The following BTG4 variants were observed in gnomAD, a reference collection of about 807,000 sequenced individuals.
The protein encoded by BTG4 is protein BTG4.
A neutral mutation model predicts 19.3 loss-of-function variants in BTG4; 10 were observed. The ratio of observed to expected loss-of-function variants is 0.52; its 90% CI spans 0.32 to 0.88. BTG4 has a LOEUF of 0.88. Among genes scored for constraint, BTG4 ranks in the 40% least tolerant of loss-of-function variants. BTG4 has a pLI of 0.04. For synonymous variants in BTG4, 91 were observed against 95.7 expected, an observed-to-expected ratio of 0.95 and a Z score of 0.29; for missense variants, 238 against 281.9, an observed-to-expected ratio of 0.84 and a Z score of 1.11.
intron 1 of BTG4, among the ~76,000 whole-genome samples, chr11:111,505,543 G>A (rs1352123850): frequency 1.3e-5 from 2 of 151,806 alleles, no homozygotes; most frequent in East Asian, 3.8e-4. Flanking sequence ...AGAAAACCTA[G>A]GAAAACTCCT....
chr11:111,416,559 C>T, the BTG4 span: 1 of 152,092 alleles, frequency 6.6e-6, no homozygotes, highest in Non-Finnish European at 1.5e-5. Context: ...CCAGAGTACA[C>T]CTTGGCTCTC....
At chr11:111,456,833 G>A in the BTG4 span, 7 of 263,532 alleles carry the variant, frequency 2.7e-5, no homozygotes, top group African/African-American at 1.5e-4. This position sits in a 1 kb window ranked among gnomAD's most constrained non-coding sequence, Gnocchi z 4.2. Flanking sequence ...AGCTCCCAGG[G>A]AGCACAGCAC....
chr11:111,414,133 C>T, the BTG4 span: 1 of 152,244 alleles, frequency 6.6e-6, no homozygotes, highest in Non-Finnish European at 1.5e-5. Flanking sequence ...ACGTGTGTTA[C>T]ATGTTACTTA....
intron 2 of BTG4, 30 bp downstream of exon 2, chr11:111,498,574 C>T: frequency 6.3e-7 from 1 of 1,581,398 alleles, no homozygotes; most frequent in Non-Finnish European, 8.6e-7. Flanking sequence ...GTGATTGCTT[C>T]CCTTTGCCAT....
the BTG4 span, chr11:111,453,294 T>G: frequency 5.9e-6 from 2 of 340,302 alleles, no homozygotes; most frequent in Admixed American, 7.1e-5. Context: ...CAAGAGAGGA[T>G]GAGGTGCTCC....
chr11:111,383,936 A>G, the BTG4 span, among the ~76,000 whole-genome samples: 1 of 152,240 alleles, frequency 6.6e-6, no homozygotes, highest in Admixed American at 6.5e-5. Flanking sequence ...GCAGAAGTAC[A>G]GTATATTCTT....
chr11:111,491,707 C>A (rs1293345980), downstream of BTG4, among the ~76,000 whole-genome samples: 4 of 144,988 alleles, frequency 2.8e-5, no homozygotes, highest in Non-Finnish European at 6.0e-5. Flanking sequence ...TGCTCTCCAA[C>A]CTAGGTGACA....
chr11:111,457,701 A>T, the BTG4 span: 1 of 149,588 alleles, frequency 6.7e-6, no homozygotes, highest in Non-Finnish European at 1.5e-5. Flanking sequence ...ACCATGCTCT[A>T]CCCCCTGCCC....
At chr11:111,435,857 C>T in the BTG4 span, among the ~76,000 whole-genome samples, 1 of 152,154 alleles carries the variant, frequency 6.6e-6, no homozygotes, top group Non-Finnish European at 1.5e-5. Context: ...CTGACCTGGG[C>T]CTCAGAGCCC....
At chr11:111,466,240 C>G (rs1205564552), downstream of BTG4, among the ~76,000 whole-genome samples, 1 of 152,130 alleles carries the variant, frequency 6.6e-6, no homozygotes, top group Non-Finnish European at 1.5e-5. Context: ...CTTCAGCAGT[C>G]TTCCCTAAAC....
chr11:111,441,627 A>C, the BTG4 span, among the ~76,000 whole-genome samples: 6 of 152,202 alleles, frequency 3.9e-5, no homozygotes, highest in Non-Finnish European at 8.8e-5. Flanking sequence ...AAACTCCGTG[A>C]CTGTGCCTCG....
chr11:111,405,645 G>A, the BTG4 span, among the ~76,000 whole-genome samples: 4 of 152,044 alleles, frequency 2.6e-5, no homozygotes, highest in African/African-American at 9.7e-5. Flanking sequence ...TTCAGGGAGT[G>A]GGGAGGGAGG....
chr11:111,414,928 GA>G, the BTG4 span: 1 of 152,348 alleles, frequency 6.6e-6, no homozygotes, highest in African/African-American at 2.4e-5. Flanking sequence ...GCACTTAACA[GA>G]AAACAAAATT....
At chr11:111,392,363 G>A in the BTG4 span, among the ~76,000 whole-genome samples, 704 of 151,938 alleles carry the variant, frequency 4.6e-3, 25 homozygotes, top group Admixed American at 0.043. Context: ...ATTCTTAGTA[G>A]AGATGGGGTT....
In BTG4 at chr11:111,497,207, T is replaced by C; in HGVS notation, c.510+4A>G. 1 of 1,611,940 alleles carries C rather than the reference T, an allele frequency of 6.2e-7. No homozygotes were observed. Among genetic ancestry groups the C allele is most frequent in the Non-Finnish European group, 8.5e-7 (1 of 1,178,458 alleles). ...GTATAGAAAAGAACTGGAACACTCTTGACCTGATAAATACTCTTCGGATTG... is the reference window on the plus strand; with the variant it reads ...GTATAGAAAAGAACTGGAACACTCTCGACCTGATAAATACTCTTCGGATTG... On this transcript the variant is annotated splice_donor_region_variant and intron_variant, in intron 4 of 4. Coordinates refer to ENST00000692032, the MANE Select transcript of BTG4 (RefSeq NM_001367975.1).
the BTG4 span, among the ~76,000 whole-genome samples, chr11:111,391,503 T>C: frequency 6.6e-6 from 1 of 152,208 alleles, no homozygotes; most frequent in East Asian, 1.9e-4. Flanking sequence ...CTAGAACCTC[T>C]GCTGGCCGGG....
chr11:111,451,451 TTATTTCCCCTC>T, the BTG4 span: 1 of 441,594 alleles, frequency 2.3e-6, no homozygotes, highest in Non-Finnish European at 4.7e-6. Flanking sequence ...CATTATCCCA[TTATTTCCCCTC>T]TCTTTAAAAA....
intron 1 of BTG4, among the ~76,000 whole-genome samples, chr11:111,506,498 GA>G (rs1422992954): frequency 1.3e-5 from 2 of 152,126 alleles, no homozygotes; most frequent in East Asian, 3.9e-4. Context: ...GGGGAGGGTT[GA>G]AAAATTACCT....
chr11:111,425,077 A>G, the BTG4 span, among the ~76,000 whole-genome samples: 2 of 152,206 alleles, frequency 1.3e-5, no homozygotes, highest in African/African-American at 4.8e-5. Flanking sequence ...AGAGGGCTAC[A>G]TGAAGGAAGG....
Sources: gnomAD v4.1 joint callset for allele counts (sites outside exome capture counted in the v4.1 genomes callset) on GRCh38, gnomAD v4.1.1 for gene constraint, Gnocchi (gnomAD v3.1) non-coding constraint, MANE v1.5 for transcripts, NCBI Gene and HGNC (gene_info 2026-07-23, HGNC 2026-07-21) for gene names.